PTPRD: variants seen among roughly 807,000 people sequenced by gnomAD.
PTPRD encodes receptor-type tyrosine-protein phosphatase delta.
In PTPRD, 34 loss-of-function variants were observed where a neutral mutation model predicts 214.5. That is an observed-to-expected ratio of 0.16 (90% CI 0.12 to 0.21). The LOEUF (loss-of-function observed/expected upper bound fraction) is 0.21, where lower values mean the gene tolerates loss of function less well. PTPRD is among the 10% of genes least tolerant of loss of function. The probability of loss-of-function intolerance (pLI) is 1.00; values close to 1 mark genes in which losing one functional copy is unlikely to be tolerated. For missense variants in PTPRD, 2,545 were observed against 2,398.7 expected, an observed-to-expected ratio of 1.06 and a Z score of -1.27; for synonymous variants, 1,128 against 845.7, an observed-to-expected ratio of 1.33 and a Z score of -5.79.
chr9:10,225,027 G>T (rs7860123), intron 3 of PTPRD, among the ~76,000 whole-genome samples: 1 of 151,726 alleles, frequency 6.6e-6, no homozygotes, highest in Non-Finnish European at 1.5e-5. Flanking sequence ...GGAGCCAAAA[G>T]TTATACATAG....
intron 10 of PTPRD, among the ~76,000 whole-genome samples, chr9:9,142,454 G>C (rs1004477214): frequency 6.6e-6 from 1 of 152,194 alleles, no homozygotes; most frequent in African/African-American, 2.4e-5. Flanking sequence ...GTAAGTGGTT[G>C]CCATCAGCAA....
intron 8 of PTPRD, among the ~76,000 whole-genome samples, chr9:9,474,456 T>A (rs1020674766): frequency 6.6e-6 from 1 of 152,074 alleles, no homozygotes; most frequent in Non-Finnish European, 1.5e-5. Context: ...TATTTTAGAA[T>A]TTTTAAAAAA....
intron 5 of PTPRD, among the ~76,000 whole-genome samples, chr9:9,792,185 C>G (rs1347327172): frequency 6.6e-6 from 1 of 152,060 alleles, no homozygotes; most frequent in African/African-American, 2.4e-5. Flanking sequence ...AAGATGACCA[C>G]CCTTCCCTCA....
chr9:9,110,421 G>C (rs565648505), intron 10 of PTPRD, among the ~76,000 whole-genome samples: 1 of 152,236 alleles, frequency 6.6e-6, no homozygotes, highest in East Asian at 1.9e-4. Flanking sequence ...TCCTCTTGGT[G>C]ACTCTGTTGC....
At chr9:10,332,296 T>C (rs907511857) in intron 3 of PTPRD, among the ~76,000 whole-genome samples, 6 of 151,816 alleles carry the variant, frequency 4.0e-5, no homozygotes, top group African/African-American at 1.4e-4. Flanking sequence ...TGAGATAATA[T>C]AAGAAGACTA....
At position 8,560,790 on chromosome 9, in the gene PTPRD, C is replaced by A. The variant is rs1174816265; in HGVS notation, c.353-32011G>T. On this transcript the variant is annotated intron_variant, in intron 14 of 45. Transcript: ENST00000381196. ...AAAATGTTCTTCACAACAGGGTTAT[C>A]CAGTGTTTAGAAGGAAATCTCTACT... Among the ~76,000 whole-genome samples the A allele has an allele frequency of 8.5e-5, 13 of 152,050 alleles. 1 individual carries two copies. The highest frequency in any genetic ancestry group is 1.5e-5 in the Non-Finnish European group (1 of 68,020).
intron 11 of PTPRD, among the ~76,000 whole-genome samples, chr9:8,735,761 A>C (rs2090144105): frequency 6.6e-6 from 1 of 152,032 alleles, no homozygotes; most frequent in South Asian, 2.1e-4. Flanking sequence ...AACACAAAAA[A>C]ATTAGCCAGG....
At chr9:9,935,435 G>A (rs1031052614) in intron 5 of PTPRD, among the ~76,000 whole-genome samples, 2 of 151,730 alleles carry the variant, frequency 1.3e-5, no homozygotes, top group African/African-American at 4.8e-5. Context: ...ACCAACAACA[G>A]ACAAACAGAG....
chr9:8,795,359 G>T (rs533618232), intron 11 of PTPRD, among the ~76,000 whole-genome samples: 1 of 151,894 alleles, frequency 6.6e-6, no homozygotes, highest in Non-Finnish European at 1.5e-5. Context: ...TAGAGACAGC[G>T]TTTCACCACG....
At chr9:10,513,773 T>G (rs957871679) in intron 2 of PTPRD, among the ~76,000 whole-genome samples, 2 of 152,126 alleles carry the variant, frequency 1.3e-5, no homozygotes, top group Admixed American at 6.6e-5. Flanking sequence ...GCAACTCACA[T>G]TGGACACACA....
intron 9 of PTPRD, among the ~76,000 whole-genome samples, chr9:9,249,116 C>T (rs2099974334): frequency 6.6e-6 from 1 of 151,920 alleles, no homozygotes; most frequent in Non-Finnish European, 1.5e-5. Context: ...GGCTTGGTGC[C>T]CTCCTATGGT....
At chr9:9,853,253 T>G (rs1300476736) in intron 5 of PTPRD, among the ~76,000 whole-genome samples, 1 of 152,220 alleles carries the variant, frequency 6.6e-6, no homozygotes, top group Admixed American at 6.5e-5. Flanking sequence ...ATAGACAACA[T>G]GGAAACAACT....
chr9:8,721,238 GC>G (rs2098493077), intron 12 of PTPRD, among the ~76,000 whole-genome samples: 1 of 151,784 alleles, frequency 6.6e-6, no homozygotes, highest in Non-Finnish European at 1.5e-5. Context: ...AGACTAGCCT[GC>G]CCAACATGGC....
At chr9:10,446,847 C>G (rs1007524780) in intron 2 of PTPRD, among the ~76,000 whole-genome samples, 1 of 152,104 alleles carries the variant, frequency 6.6e-6, no homozygotes, top group African/African-American at 2.4e-5. Context: ...AAAAGGTTTT[C>G]AGAAATCATG....
chr9:8,454,931 A>G (rs2096125174), intron 33 of PTPRD, among the ~76,000 whole-genome samples: 1 of 152,094 alleles, frequency 6.6e-6, no homozygotes, highest in African/African-American at 2.4e-5. Flanking sequence ...CAGTGGAGAG[A>G]TAATTTGATT....
rs1238921810 is a variant in PTPRD at position 8,681,648 on chromosome 9, G to A, written c.65-44804C>T. Among the ~76,000 whole-genome samples the A allele has an allele frequency of 2.6e-5, 4 of 152,250 alleles. No individual in the cohort carries two copies. In the East Asian group the frequency reaches 5.8e-4, roughly 22 times the overall value. On this transcript the variant is annotated intron_variant, in intron 12 of 45. Coordinates refer to ENST00000381196, the MANE Select transcript of PTPRD (RefSeq NM_002839.4). ...CAGAAGAAAGTGGTGGTGCAAAGCCGCCAGCCCTGAACGATGTGCATGCGT... is the reference window on the plus strand; with the variant it reads ...CAGAAGAAAGTGGTGGTGCAAAGCCACCAGCCCTGAACGATGTGCATGCGT...
intron 43 of PTPRD, among the ~76,000 whole-genome samples, 186 bp from the exon 44 acceptor site, chr9:8,331,922 CCTTTAAATCCTAAATTTATTTACT>C (rs1841672273): frequency 1.3e-5 from 2 of 149,452 alleles, no homozygotes; most frequent in Admixed American, 6.7e-5. Context: ...CACTCACATA[CCTTTAAATCCTAAATTTATTTACT>C]CTTGAAATCC....
chr9:8,727,685 C>T (rs956322074), intron 12 of PTPRD, among the ~76,000 whole-genome samples: 1 of 152,050 alleles, frequency 6.6e-6, no homozygotes, highest in South Asian at 2.1e-4. Context: ...GAGACAGAGT[C>T]TCTCTCTGTC....
At chr9:8,858,657 G>C (rs2098013125) in intron 11 of PTPRD, among the ~76,000 whole-genome samples, 1 of 147,700 alleles carries the variant, frequency 6.8e-6, no homozygotes, top group South Asian at 2.2e-4. Flanking sequence ...GTGAGTGTGA[G>C]TGTGGGTGCG....
Sources: gnomAD v4.1 joint callset for allele counts (sites outside exome capture counted in the v4.1 genomes callset) on GRCh38, gnomAD v4.1.1 for gene constraint, MANE v1.5 for transcripts, NCBI Gene and HGNC (gene_info 2026-07-23, HGNC 2026-07-21) for gene names.